Variants in LCORL observed in about 807,000 individuals in gnomAD.
LCORL encodes ligand dependent nuclear receptor corepressor like, also known as ligand-dependent nuclear receptor corepressor-like protein.
LCORL carries 41 observed loss-of-function variants against 141.8 expected under a neutral mutation model. The ratio of observed to expected loss-of-function variants is 0.29; its 90% CI spans 0.23 to 0.38. The LOEUF is 0.38. Ranked by LOEUF, LCORL falls within the 10% of genes least tolerant of loss-of-function variation. The pLI is 1.00. For synonymous variants in LCORL, 618 were observed against 694.1 expected (o/e 0.89, Z 1.72); for missense variants, 1,759 against 2,035.0 (o/e 0.86, Z 2.61).
exon 7 of LCORL, chr4:17,877,758 G>A: frequency 8.1e-7 from 1 of 1,230,658 alleles, no homozygotes; most frequent in Non-Finnish European, 1.0e-6. Context: ...ACGAAAGGCT[G>A]ATTTTGTAGA....
chr4:17,880,358 A>G, intron 6 of LCORL: 1 of 699,264 alleles, frequency 1.4e-6, no homozygotes, highest in South Asian at 6.5e-5. Flanking sequence ...TCTAGAATTT[A>G]TTCTCAGGTG....
chr4:17,879,649 G>A (rs370580626), intron 6 of LCORL, among the ~76,000 whole-genome samples: 7 of 150,870 alleles, frequency 4.6e-5, no homozygotes, highest in African/African-American at 1.5e-4. Context: ...AATATATGTA[G>A]AGAGCAAGGG....
intron 1 of LCORL, among the ~76,000 whole-genome samples, chr4:18,006,554 G>A (rs1327766778): frequency 1.3e-5 from 2 of 152,132 alleles, no homozygotes; most frequent in East Asian, 1.9e-4. Context: ...AAAGAAAGAG[G>A]TTTATGGGAT....
chr4:17,845,651 T>C, exon 8 of LCORL: 4 of 1,103,278 alleles, frequency 3.6e-6, no homozygotes, highest in Admixed American at 5.1e-5. Flanking sequence ...TCAAGATCAA[T>C]TGATAAATGC....
chr4:17,967,528 TAAA>T (rs1715149328), intron 2 of LCORL, among the ~76,000 whole-genome samples: 1 of 152,188 alleles, frequency 6.6e-6, no homozygotes, highest in Non-Finnish European at 1.5e-5. Context: ...ATTTTTTCTG[TAAA>T]TTTAAAATTG....
intron 1 of LCORL, among the ~76,000 whole-genome samples, chr4:17,975,306 TATG>T (rs1368863400): frequency 6.6e-6 from 1 of 152,192 alleles, no homozygotes; most frequent in Non-Finnish European, 1.5e-5. Flanking sequence ...TAATTTCCCT[TATG>T]ATGTCTTATT....
At chr4:18,012,182 C>A (rs1416499546) in intron 1 of LCORL, among the ~76,000 whole-genome samples, 2 of 152,196 alleles carry the variant, frequency 1.3e-5, no homozygotes, top group African/African-American at 2.4e-5. Flanking sequence ...TTGGCAACAT[C>A]CTTACAGTTG....
At chr4:17,992,204 G>C (rs1014242937) in intron 1 of LCORL, among the ~76,000 whole-genome samples, 1 of 152,172 alleles carries the variant, frequency 6.6e-6, no homozygotes, top group African/African-American at 2.4e-5. Context: ...TGGTGGAAAA[G>C]GAAGCAAATG....
In LCORL at chr4:17,884,266, A is replaced by T. The variant is rs1727994559; in HGVS notation, c.776+1802T>A. 1 of 1,550,678 alleles carries T rather than the reference A, an allele frequency of 6.4e-7. No homozygotes were observed. Among genetic ancestry groups the T allele is most frequent in the Non-Finnish European group, 8.7e-7 (1 of 1,146,434 alleles). On this transcript the variant is annotated intron_variant, in intron 6 of 7. Coordinates refer to ENST00000635767, the Ensembl canonical transcript of LCORL. The surrounding 1 kb of genome is among the most constrained non-coding windows in gnomAD (Gnocchi z 4.4). ...AACCATCAGGTTGTGATTTTGAGAC[A>T]GAACTTACTCGTAGCTGAGGAATTT... is the stretch of plus-strand genomic sequence containing the variant.
chr4:18,006,540 T>C (rs1051860903), intron 1 of LCORL, among the ~76,000 whole-genome samples: 4 of 152,136 alleles, frequency 2.6e-5, no homozygotes, highest in African/African-American at 9.7e-5. Context: ...CTGGGCAATT[T>C]ACAAAAGAAA....
chr4:17,845,820 C>T (rs756929073), exon 8 of LCORL: 30 of 1,613,110 alleles, frequency 1.9e-5, no homozygotes, highest in African/African-American at 1.2e-4. Context: ...GATTAAGGCA[C>T]ATCTTAATGG....
chr4:17,874,086 T>C (rs552467270), exon 7 of LCORL: 74 of 1,230,832 alleles, frequency 6.0e-5, no homozygotes, highest in Admixed American at 2.2e-4. Context: ...ATTTAAAAAT[T>C]GGTTCTGGCA....
chr4:17,948,937 T>C (rs1382393615), intron 4 of LCORL, among the ~76,000 whole-genome samples: 2 of 151,934 alleles, frequency 1.3e-5, no homozygotes, highest in African/African-American at 4.8e-5. Context: ...AGTCAAATAC[T>C]GTAGGGTCTA....
At chr4:17,902,460 G>A (rs1199725298) in intron 5 of LCORL, among the ~76,000 whole-genome samples, 1 of 152,110 alleles carries the variant, frequency 6.6e-6, no homozygotes, top group East Asian at 1.9e-4. Flanking sequence ...CAAAAGCTCG[G>A]CATAGAAAAA....
chr4:17,873,720 C>T, exon 7 of LCORL: 2 of 1,233,722 alleles, frequency 1.6e-6, no homozygotes, highest in African/African-American at 3.1e-5. Context: ...AGTATTTCCA[C>T]TGTCAGTAGA....
chr4:17,842,440 G>C, exon 8 of LCORL: 1 of 1,362,508 alleles, frequency 7.3e-7, no homozygotes, highest in Non-Finnish European at 1.0e-6. Context: ...TCTACAAGTA[G>C]AAAAAAACTA....
intron 1 of LCORL, among the ~76,000 whole-genome samples, chr4:17,976,193 G>C (rs1716925109): frequency 6.6e-6 from 1 of 152,016 alleles, no homozygotes; most frequent in Non-Finnish European, 1.5e-5. Flanking sequence ...GTTGAATCTT[G>C]CATTTTTATT....
intron 7 of LCORL, among the ~76,000 whole-genome samples, chr4:17,852,291 T>A (rs1723829469): frequency 6.6e-6 from 1 of 151,692 alleles, no homozygotes; most frequent in South Asian, 2.1e-4. Context: ...GAGAGTAGAG[T>A]TGGGGGGAAA....
intron 7 of LCORL, among the ~76,000 whole-genome samples, chr4:17,850,443 C>A (rs1723509304): frequency 6.6e-6 from 1 of 151,930 alleles, no homozygotes; most frequent in Non-Finnish European, 1.5e-5. Flanking sequence ...AAGAAAAAAA[C>A]AACCCCATCA....
Sources: allele counts gnomAD v4.1 joint callset (sites outside exome capture counted in the v4.1 genomes callset), GRCh38; gene constraint gnomAD v4.1.1; non-coding constraint Gnocchi (gnomAD v3.1); transcripts MANE v1.5; gene names NCBI Gene and HGNC (gene_info 2026-07-23, HGNC 2026-07-21).